RNPS1: variants seen among roughly 807,000 people sequenced by gnomAD.
RNPS1 encodes the protein RNA binding protein with serine rich domain 1.
For synonymous variants in RNPS1, 147 were observed against 150.0 expected, an observed-to-expected ratio of 0.98 and a Z score of 0.15; for missense variants, 300 against 427.6, an observed-to-expected ratio of 0.70 and a Z score of 2.63.
chr16:2,267,859 A>G lies in RNPS1; in HGVS notation c.-118+196T>C, dbSNP rs2093631826. On this transcript the variant is annotated intron_variant, in intron 1 of 7. Transcript: ENST00000320225. ...CCTTCCGTCCGCAGCGGCCCCGACCACTTCCGGGCCACGGCCTCGACACCT... is the reference window on the plus strand; with the variant it reads ...CCTTCCGTCCGCAGCGGCCCCGACCGCTTCCGGGCCACGGCCTCGACACCT... The G allele has an allele frequency of 2.0e-6, 3 of 1,514,444 alleles. No individual in the cohort carries two copies. The South Asian group carries it at 3.8e-5, about 19-fold the overall frequency. The allele number at this position is 1,514,444 out of a possible 1,614,324, so 93.8% of individuals were successfully genotyped here. A position where few individuals can be genotyped will look rare whatever the true frequency, so the allele number is the denominator to read the frequency against.
intron 1 of RNPS1, chr16:2,266,005 T>G: frequency 1.7e-6 from 1 of 595,228 alleles, no homozygotes; most frequent in Non-Finnish European, 2.1e-6. Flanking sequence ...GGGCCCTATT[T>G]TCCAGGGACT....
At position 2,268,050 on chromosome 16, in the gene RNPS1, C is replaced by G. The variant is rs2093632682; in HGVS notation, c.-118+5G>C. ...CGGATGCAGTCGGATTCCGCCCCAA[C>G]TTACATCTTCCCGCCGCCGCCACCT... On this transcript the variant is annotated splice_donor_5th_base_variant and intron_variant, in intron 1 of 7. Transcript: ENST00000320225. 8 of 1,534,686 alleles carry G rather than the reference C, an allele frequency of 5.2e-6. No individual in the cohort carries two copies. Among genetic ancestry groups the G allele is most frequent in the Non-Finnish European group, 7.0e-6 (8 of 1,146,672 alleles).
chr16:2,254,907 A>G (rs1317424076), intron 7 of RNPS1, among the ~76,000 whole-genome samples: 1 of 149,748 alleles, frequency 6.7e-6, no homozygotes, highest in South Asian at 2.1e-4. Flanking sequence ...ACGCCCGGCT[A>G]ATTTTTTTGT....
chr16:2,263,912 T>TTTTTTG, intron 3 of RNPS1: 1 of 359,716 alleles, frequency 2.8e-6, no homozygotes. Context: ...TTTTTTTTTG[T>TTTTTTG]AGAGACGAGC....
chr16:2,255,451 T>TTA, intron 7 of RNPS1, 134 bp downstream of exon 7: 1 of 1,038,714 alleles, frequency 9.6e-7, no homozygotes, highest in Non-Finnish European at 1.4e-6. Flanking sequence ...CTCCATGAGC[T>TTA]CTGAAGGGCT....
At chr16:2,263,018 G>A (rs1438979484) in intron 4 of RNPS1, 78 bp downstream of exon 4, 40 of 1,467,488 alleles carry the variant, frequency 2.7e-5, no homozygotes, top group Non-Finnish European at 3.5e-5. Flanking sequence ...GACTCCTTTT[G>A]GGTCCCTTTT....
At chr16:2,254,298 G>C (rs1228495383) in intron 7 of RNPS1, among the ~76,000 whole-genome samples, 1 of 152,088 alleles carries the variant, frequency 6.6e-6, no homozygotes, top group East Asian at 1.9e-4. Flanking sequence ...ACCACGCCCA[G>C]CTAATTTTTG....
chr16:2,266,064 T>A, intron 1 of RNPS1: 1 of 968,428 alleles, frequency 1.0e-6, no homozygotes, highest in South Asian at 4.8e-5. Flanking sequence ...GCAGGAGTTG[T>A]TAAGTGAAGA....
At chr16:2,255,444 C>A (rs2093573624) in intron 7 of RNPS1, 141 bp downstream of exon 7, 1 of 972,148 alleles carries the variant, frequency 1.0e-6, no homozygotes, top group African/African-American at 1.6e-5. Flanking sequence ...CTGCTCTCTC[C>A]ATGAGCTCTG....
chr16:2,259,337 T>G (rs186349826), intron 6 of RNPS1, among the ~76,000 whole-genome samples: 12 of 152,328 alleles, frequency 7.9e-5, no homozygotes, highest in Admixed American at 7.2e-4. Flanking sequence ...CTAGTGTACA[T>G]GATCAGTAAT....
intron 1 of RNPS1, chr16:2,267,560 G>A (rs928806573): frequency 1.2e-5 from 13 of 1,053,254 alleles, no homozygotes; most frequent in African/African-American, 1.7e-5. Context: ...GACTCCGAAG[G>A]GGGGATCGGC....
chr16:2,262,520 G>A (rs964926093), intron 5 of RNPS1, 89 bp from the exon 6 acceptor site: 17 of 1,418,824 alleles, frequency 1.2e-5, no homozygotes, highest in East Asian at 4.6e-5. Flanking sequence ...CTAAAACCTC[G>A]GCAGGGTAAA....
chr16:2,260,743 C>A (rs1387275066), intron 6 of RNPS1, among the ~76,000 whole-genome samples: 2 of 152,168 alleles, frequency 1.3e-5, no homozygotes, highest in Non-Finnish European at 2.9e-5. Context: ...CCACTGTATA[C>A]AAATAATTAA....
intron 1 of RNPS1, chr16:2,267,369 C>G (rs2093629059): frequency 1.0e-6 from 1 of 984,418 alleles, no homozygotes. Flanking sequence ...AGACAAAAAG[C>G]CTACTCCACG....
In RNPS1 at chr16:2,266,021, C is replaced by T. The variant is rs1210153578; in HGVS notation, c.-117-1261G>A. The T allele has an allele frequency of 4.7e-5, 35 of 746,464 alleles. 1 individual carries two copies. The South Asian group carries it at 1.9e-3, about 41-fold the overall frequency. 46.2% of individuals were successfully genotyped at this position (746,464 alleles called of 1,614,324 possible). A position where few individuals can be genotyped will look rare whatever the true frequency, so the allele number is the denominator to read the frequency against. The stretch of plus-strand genomic sequence containing the variant: ...GGCCCTATTTTCCAGGGACTTCTGC[C>T]TTCAGTATTTCTAGTAAGGCTCTGC... On this transcript the variant is annotated intron_variant, in intron 1 of 7. Coordinates refer to ENST00000320225, the MANE Select transcript of RNPS1 (RefSeq NM_080594.4).
intron 7 of RNPS1, 100 bp downstream of exon 7, chr16:2,255,485 G>T: frequency 7.3e-7 from 1 of 1,362,120 alleles, no homozygotes; most frequent in Non-Finnish European, 1.0e-6. Context: ...AGCCCGCACA[G>T]CAGTGGAAGG....
At chr16:2,257,315 C>G (rs1452699225) in intron 6 of RNPS1, 2 of 152,136 alleles carry the variant, frequency 1.3e-5, no homozygotes. Context: ...CACATGGGGA[C>G]TAACTCCGGC....
intron 1 of RNPS1, chr16:2,266,363 C>G (rs1459133510): frequency 2.2e-5 from 22 of 985,174 alleles, no homozygotes; most frequent in Non-Finnish European, 2.2e-5. Flanking sequence ...GATAGTGCCT[C>G]GACACTCTTT....
intron 4 of RNPS1, 126 bp downstream of exon 4, chr16:2,262,969 TA>T (rs1240614075): frequency 1.2e-5 from 16 of 1,311,348 alleles, no homozygotes; most frequent in Non-Finnish European, 1.7e-5. Context: ...CTAGTTCACA[TA>T]CATTATTCCT....
Sources: gnomAD v4.1 joint callset for allele counts (sites outside exome capture counted in the v4.1 genomes callset) on GRCh38, gnomAD v4.1.1 for gene constraint, MANE v1.5 for transcripts, NCBI Gene and HGNC (gene_info 2026-07-23, HGNC 2026-07-21) for gene names.